MAFK: variants seen among roughly 807,000 people sequenced by gnomAD.
The protein encoded by MAFK is MAF bZIP transcription factor K.
A neutral mutation model predicts 9.2 loss-of-function variants in MAFK; 1 was observed. That is an observed-to-expected ratio of 0.11 (90% CI 0.04 to 0.52). The LOEUF (loss-of-function observed/expected upper bound fraction) is 0.52. Ranked by LOEUF, MAFK falls within the 20% of genes least tolerant of loss-of-function variation. MAFK has a pLI of 0.94. For missense variants in MAFK, 207 were observed against 236.0 expected (o/e 0.88, Z 0.81); for synonymous variants, 110 against 107.4 (o/e 1.02, Z -0.15).
chr7:1,533,871 C>G (rs765043367), intron 1 of MAFK, among the ~76,000 whole-genome samples: 1 of 151,866 alleles, frequency 6.6e-6, no homozygotes, highest in Non-Finnish European at 1.5e-5. Flanking sequence ...CCAGGGCGGC[C>G]GGGGGAGAAC....
Position 1,534,926 on chromosome 7 carries a change from T to C in MAFK, c.-45+4028T>C, listed in dbSNP as rs4720834. On this transcript the variant is annotated intron_variant, in intron 1 of 2. Transcript: ENST00000343242. The surrounding 1 kb of genome is among the most constrained non-coding windows in gnomAD (Gnocchi z 4.3). Reference sequence around the variant, plus strand: ...CTCTCTTTTTTTTTTTCCTAAAAGATAAGGTCTTGCCCTGTCACTCAGGCT... The same window carrying C: ...CTCTCTTTTTTTTTTTCCTAAAAGACAAGGTCTTGCCCTGTCACTCAGGCT... Among the ~76,000 whole-genome samples, 98,269 of 151,328 alleles carry C rather than the reference T, an allele frequency of 0.65. 32,525 individuals carry two copies. The highest frequency in any genetic ancestry group is 0.77 in the African/African-American group (31,892 of 41,232).
rs1478561415 is a variant in MAFK, at chr7:1,540,410, C to A, written c.*35C>A. On this transcript the variant is annotated 3_prime_UTR_variant, in exon 3 of 3. Coordinates refer to ENST00000343242, the MANE Select transcript of MAFK (RefSeq NM_002360.4). ...GGGGCGGGGGGTGGCGGGCGGCGGGCGGCGGGCAGGCGGGTGGGGGCACAC... is the reference window on the plus strand; with the variant it reads ...GGGGCGGGGGGTGGCGGGCGGCGGGAGGCGGGCAGGCGGGTGGGGGCACAC... 5.4e-6 allele frequency: 1 copy of A among 185,236 alleles called. No homozygotes were observed. Among genetic ancestry groups the A allele is most frequent in the Non-Finnish European group, 1.1e-5 (1 of 92,852 alleles). 11.5% of individuals were successfully genotyped at this position (185,236 alleles called of 1,614,324 possible).
chr7:1,531,293 G>T (rs1211486902), intron 1 of MAFK, among the ~76,000 whole-genome samples: 3 of 151,052 alleles, frequency 2.0e-5, no homozygotes, highest in African/African-American at 7.2e-5. Flanking sequence ...CGTGCGGGCG[G>T]TGCGGGGAGG....
At position 1,540,309 on chromosome 7, in the gene MAFK, C is replaced by T. The variant is rs200642757; in HGVS notation, c.405C>T (p.Ser135=). The T allele has an allele frequency of 5.6e-6, 9 of 1,611,500 alleles. No homozygotes were observed. The East Asian group carries it at 6.7e-5, about 12-fold the overall frequency. Residue 135 remains serine (S), a synonymous_variant, in exon 3 of 3, where the codon AGC becomes AGT. Coordinates refer to ENST00000343242, the MANE Select transcript of MAFK (RefSeq NM_002360.4). ...CGCCCTCCAAGGTGGCCACCACCAG[C>T]GTCATCACCATCGTCAAGTCCACCG... ...PVAPSKVATT[S]VITIVKSTEL...
chr7:1,533,920 A>C (rs943621993), intron 1 of MAFK, among the ~76,000 whole-genome samples: 1 of 151,774 alleles, frequency 6.6e-6, no homozygotes, highest in African/African-American at 2.4e-5. Context: ...GGACAGGAGG[A>C]TGGTGTGGTG....
In MAFK at chr7:1,532,895, G is replaced by A. The variant is rs372060901; in HGVS notation, c.-45+1997G>A. Among the ~76,000 whole-genome samples, 26 of 152,276 alleles carry A rather than the reference G, an allele frequency of 1.7e-4. No individual in the cohort carries two copies. In the East Asian group the frequency reaches 4.0e-3, roughly 24 times the overall value. The stretch of plus-strand genomic sequence containing the variant: ...ATCTGGCCAGCTGAGAGAGGGCTCC[G>A]TGTGGCCGCCTTTCAACAGTAAACA... On this transcript the variant is annotated intron_variant, in intron 1 of 2. Transcript: ENST00000343242. The surrounding 1 kb of genome is among the most constrained non-coding windows in gnomAD (Gnocchi z 4.5).
In MAFK at chr7:1,539,532, GCGTGGC is replaced by G. The variant is rs575167290; in HGVS notation, c.36+306_36+311del. ...CATCCCCTGGCTCCAGGCGTGGGCA[GCGTGGC>G]CAGCGTGGCCTCTGGTGAACGCGAT... On this transcript the variant is annotated intron_variant, in intron 2 of 2. Coordinates refer to ENST00000343242, the MANE Select transcript of MAFK (RefSeq NM_002360.4). 0.036 allele frequency among the ~76,000 whole-genome samples: 451 copies of G among 12,562 alleles called. 1 individual carries two copies. In the African/African-American group the frequency reaches 0.38, roughly 11 times the overall value. 8.2% of individuals were successfully genotyped at this position (12,562 alleles called of 152,430 possible). A position where few individuals can be genotyped will look rare whatever the true frequency, so the allele number is the denominator to read the frequency against.
At chr7:1,538,349 G>C in intron 1 of MAFK, 9 of 984,912 alleles carry the variant, frequency 9.1e-6, no homozygotes, top group Non-Finnish European at 1.1e-5. Flanking sequence ...TGCGGCCCCC[G>C]GACCTGCCGC....
rs376101893 is a variant in MAFK at position 1,539,136 on chromosome 7, C to A, written c.-44-13C>A. On this transcript the variant is annotated splice_polypyrimidine_tract_variant and intron_variant, in intron 1 of 2. Transcript: ENST00000343242. ...GACCTGTGCTGGCTTCTCTGCTTGT[C>A]CATGTTTTCCAGCTACGAGTTCCAG... 2.3e-4 allele frequency: 377 copies of A among 1,610,408 alleles called. No homozygotes were observed. The highest frequency in any genetic ancestry group is 2.9e-4 in the Non-Finnish European group (339 of 1,177,460).
Position 1,534,159 on chromosome 7 carries a change from G to T in MAFK, c.-45+3261G>T, listed in dbSNP as rs1437334446. On this transcript the variant is annotated intron_variant, in intron 1 of 2. Coordinates refer to ENST00000343242, the MANE Select transcript of MAFK (RefSeq NM_002360.4). This position sits in a 1 kb window ranked among gnomAD's most constrained non-coding sequence, Gnocchi z 4.3. ...TATGGGCCGGGCTGCGGGGTGCCAA[G>T]TGGGGTGCCTCCCGCATGCTTAGTG... 72 of 445,606 alleles carry T rather than the reference G, an allele frequency of 1.6e-4. No individual in the cohort carries two copies. The Admixed American group carries it at 1.7e-3, about 11-fold the overall frequency. 27.6% of individuals were successfully genotyped at this position (445,606 alleles called of 1,614,324 possible). A position where few individuals can be genotyped will look rare whatever the true frequency, so the allele number is the denominator to read the frequency against.
chr7:1,537,682 G>T (rs926607539), intron 1 of MAFK: 1 of 985,580 alleles, frequency 1.0e-6, no homozygotes, highest in Non-Finnish European at 1.2e-6. Context: ...GCAGCCTGGC[G>T]CAGGACCCTG....
At chr7:1,539,339 C>A in intron 2 of MAFK, 111 bp downstream of exon 2, 1 of 855,264 alleles carries the variant, frequency 1.2e-6, no homozygotes, top group Admixed American at 2.5e-5. Flanking sequence ...GGAGGCCTCC[C>A]TGTTGCCAGG....
In MAFK at chr7:1,540,465, C is replaced by G; in HGVS notation, c.*90C>G. 2 of 1,257,896 alleles carry G rather than the reference C, an allele frequency of 1.6e-6. No homozygotes were observed. Among genetic ancestry groups the G allele is most frequent in the East Asian group, 2.6e-5 (1 of 38,722 alleles). The allele number at this position is 1,257,896 out of a possible 1,614,324, so 77.9% of individuals were successfully genotyped here. A position where few individuals can be genotyped will look rare whatever the true frequency, so the allele number is the denominator to read the frequency against. On this transcript the variant is annotated 3_prime_UTR_variant, in exon 3 of 3. Transcript: ENST00000343242. ...CGTACCTGTCACTGGGATGCAGACT[C>G]TCGACATCCGAGTCCAAGCGCAGGC...
chr7:1,538,256 C>T (rs1051905131), intron 1 of MAFK: 20 of 985,012 alleles, frequency 2.0e-5, no homozygotes, highest in East Asian at 1.1e-4. Context: ...GTGAGGACGG[C>T]GGGGGCGGCG....
intron 1 of MAFK, chr7:1,537,588 G>T: frequency 1.0e-6 from 1 of 985,552 alleles, no homozygotes; most frequent in South Asian, 4.7e-5. Context: ...CCACCTGGCC[G>T]TCCCCGGGAC....
chr7:1,531,225 C>T (rs1387995839), intron 1 of MAFK, among the ~76,000 whole-genome samples: 1 of 148,592 alleles, frequency 6.7e-6, no homozygotes, highest in Non-Finnish European at 1.5e-5. Flanking sequence ...CGCGGGTCGG[C>T]GGCGCGCATC....
At chr7:1,539,296 C>T in intron 2 of MAFK, 68 bp downstream of exon 2, 2 of 1,348,588 alleles carry the variant, frequency 1.5e-6, no homozygotes, top group Non-Finnish European at 1.0e-6. Flanking sequence ...CCCGACAGCC[C>T]CTGCTATCCC....
Position 1,538,118 on chromosome 7 carries a change from G to A in MAFK, c.-44-1031G>A, listed in dbSNP as rs1422815106. On this transcript the variant is annotated intron_variant, in intron 1 of 2. Transcript: ENST00000343242. ...AGTCAGGATCGCGTTTGGGCTTCTCGGTTTCCATGACAACCGTGGGGGCTG... is the reference window on the plus strand; with the variant it reads ...AGTCAGGATCGCGTTTGGGCTTCTCAGTTTCCATGACAACCGTGGGGGCTG... The A allele has an allele frequency of 2.7e-5, 7 of 258,930 alleles. No homozygotes were observed. The East Asian group carries it at 8.8e-4, about 33-fold the overall frequency. 16.0% of individuals were successfully genotyped at this position (258,930 alleles called of 1,614,324 possible).
intron 1 of MAFK, chr7:1,538,787 G>T (rs1051674179): frequency 1.3e-4 from 30 of 229,686 alleles, no homozygotes; most frequent in Non-Finnish European, 4.3e-5. Flanking sequence ...CACTGCCGGC[G>T]CCTGCTGGTC....
Sources: gnomAD v4.1 joint callset for allele counts (sites outside exome capture counted in the v4.1 genomes callset) on GRCh38, gnomAD v4.1.1 for gene constraint, Gnocchi (gnomAD v3.1) non-coding constraint, MANE v1.5 for transcripts, NCBI Gene and HGNC (gene_info 2026-07-23, HGNC 2026-07-21) for gene names.